ZRANB3: variants seen among roughly 807,000 people sequenced by gnomAD.
ZRANB3 encodes DNA annealing helicase and endonuclease ZRANB3.
ZRANB3 carries 125 observed loss-of-function variants against 133.8 expected under a neutral mutation model. The observed-to-expected ratio is 0.93, with a 90% CI of 0.81 to 1.08. The LOEUF is 1.08. ZRANB3 is among the 50% of genes least tolerant of loss of function. The pLI is 0.00. For missense variants in ZRANB3, 1,229 were observed against 1,275.5 expected, an observed-to-expected ratio of 0.96 and a Z score of 0.56; for synonymous variants, 387 against 432.7, an observed-to-expected ratio of 0.89 and a Z score of 1.31.
At chr2:135,302,541 T>C (rs923598402) in intron 8 of ZRANB3, among the ~76,000 whole-genome samples, 1 of 151,934 alleles carries the variant, frequency 6.6e-6, no homozygotes, top group African/African-American at 2.4e-5. Context: ...TTTTTTTTTT[T>C]TGAGATGGGA....
intron 3 of ZRANB3, among the ~76,000 whole-genome samples, chr2:135,358,735 T>G (rs1316286741): frequency 6.6e-6 from 1 of 152,106 alleles, no homozygotes; most frequent in Non-Finnish European, 1.5e-5. Context: ...AATATAAGAA[T>G]AAGCAATGGA....
intron 2 of ZRANB3, among the ~76,000 whole-genome samples, chr2:135,416,983 G>A (rs1229575204): frequency 6.6e-6 from 1 of 152,094 alleles, no homozygotes; most frequent in Non-Finnish European, 1.5e-5. Flanking sequence ...GACTTACCAC[G>A]TTAGACCTAA....
At chr2:135,295,148 C>T (rs921051105) in intron 8 of ZRANB3, among the ~76,000 whole-genome samples, 12 of 151,480 alleles carry the variant, frequency 7.9e-5, no homozygotes, top group Non-Finnish European at 1.5e-4. Context: ...CTTTCTGTCG[C>T]GTTTATCTGT....
chr2:135,218,024 G>A (rs956705289), intron 16 of ZRANB3, among the ~76,000 whole-genome samples: 2 of 151,964 alleles, frequency 1.3e-5, no homozygotes, highest in African/African-American at 2.4e-5. Context: ...TGTTGCCCAG[G>A]CTCGTCTTAA....
chr2:135,232,417 G>A (rs1695071265), intron 12 of ZRANB3, among the ~76,000 whole-genome samples: 1 of 152,332 alleles, frequency 6.6e-6, no homozygotes, highest in Admixed American at 6.5e-5. Flanking sequence ...AGACTTAAAT[G>A]TCCCTGTCTG....
At chr2:135,419,935 G>C (rs569414863) in intron 2 of ZRANB3, among the ~76,000 whole-genome samples, 1 of 151,352 alleles carries the variant, frequency 6.6e-6, no homozygotes, top group Non-Finnish European at 1.5e-5. Flanking sequence ...TTTTGTCTTT[G>C]ATAGGGTTTT....
At chr2:135,446,319 G>A (rs1381487847) in intron 2 of ZRANB3, among the ~76,000 whole-genome samples, 1 of 152,084 alleles carries the variant, frequency 6.6e-6, no homozygotes, top group Non-Finnish European at 1.5e-5. Context: ...GACATGAGTA[G>A]ATATAGAGAG....
At chr2:135,375,329 G>A (rs972506671) in intron 3 of ZRANB3, among the ~76,000 whole-genome samples, 1 of 152,148 alleles carries the variant, frequency 6.6e-6, no homozygotes, top group African/African-American at 2.4e-5. Flanking sequence ...AAGGCAGGTG[G>A]ATCACCTGAG....
intron 2 of ZRANB3, among the ~76,000 whole-genome samples, chr2:135,421,504 C>T (rs975806674): frequency 2.6e-5 from 4 of 152,102 alleles, no homozygotes; most frequent in African/African-American, 9.7e-5. Context: ...ATATTTTCCC[C>T]CTTTTATAGT....
At chr2:135,255,082 C>G (rs550967045) in intron 12 of ZRANB3, among the ~76,000 whole-genome samples, 1 of 152,074 alleles carries the variant, frequency 6.6e-6, no homozygotes, top group African/African-American at 2.4e-5. Flanking sequence ...CAGAAAGAAA[C>G]CCTATACTCA....
chr2:135,333,324 C>T (rs991426593), intron 6 of ZRANB3, among the ~76,000 whole-genome samples: 2 of 151,882 alleles, frequency 1.3e-5, no homozygotes, highest in South Asian at 2.1e-4. Flanking sequence ...TGACATGCAA[C>T]CATAATGTAT....
intron 12 of ZRANB3, among the ~76,000 whole-genome samples, chr2:135,235,777 G>C (rs1695256751): frequency 6.7e-6 from 1 of 150,228 alleles, no homozygotes; most frequent in Non-Finnish European, 1.5e-5. Flanking sequence ...AGGTATTGAT[G>C]GGATTTATCT....
chr2:135,411,863 G>T (rs1688316692), intron 2 of ZRANB3, among the ~76,000 whole-genome samples: 1 of 152,056 alleles, frequency 6.6e-6, no homozygotes, highest in Admixed American at 6.6e-5. Context: ...CTCCCATTAC[G>T]CAATATACCT....
chr2:135,328,271 C>A (rs947968624), intron 6 of ZRANB3, among the ~76,000 whole-genome samples: 4 of 148,042 alleles, frequency 2.7e-5, no homozygotes, highest in Non-Finnish European at 5.9e-5. Context: ...TATGTCCAAG[C>A]ATTCTCACTG....
chr2:135,269,908 CT>C (rs1245913364), intron 10 of ZRANB3, among the ~76,000 whole-genome samples: 3 of 152,018 alleles, frequency 2.0e-5, no homozygotes, highest in East Asian at 1.9e-4. Context: ...AAATATCTGC[CT>C]TTTTTTGAGT....
intron 2 of ZRANB3, among the ~76,000 whole-genome samples, chr2:135,432,077 C>A (rs1183812284): frequency 1.3e-5 from 2 of 151,938 alleles, no homozygotes; most frequent in African/African-American, 4.8e-5. Context: ...ATGGAGAAAC[C>A]CTGTCTCTGC....
At chr2:135,397,519 G>A (rs1687547580) in intron 2 of ZRANB3, among the ~76,000 whole-genome samples, 1 of 151,860 alleles carries the variant, frequency 6.6e-6, no homozygotes, top group Non-Finnish European at 1.5e-5. Flanking sequence ...ATATCCTGTT[G>A]AAGAAATAAG....
chr2:135,348,019 G>A (rs542014917), intron 5 of ZRANB3, among the ~76,000 whole-genome samples: 1 of 152,204 alleles, frequency 6.6e-6, no homozygotes, highest in African/African-American at 2.4e-5. Context: ...AGCACTTTAG[G>A]AGGCTAAGAC....
intron 6 of ZRANB3, among the ~76,000 whole-genome samples, chr2:135,320,602 T>A (rs550666076): frequency 6.6e-6 from 1 of 152,336 alleles, no homozygotes; most frequent in African/African-American, 2.4e-5. Context: ...TGATCATATA[T>A]AATTTAAAAA....
Sources: allele counts gnomAD v4.1 joint callset (sites outside exome capture counted in the v4.1 genomes callset), GRCh38; gene constraint gnomAD v4.1.1; transcripts MANE v1.5; gene names NCBI Gene and HGNC (gene_info 2026-07-23, HGNC 2026-07-21).